HIVEP3: variants seen among roughly 807,000 people sequenced by gnomAD.
The protein encoded by HIVEP3 is HIVEP zinc finger 3.
HIVEP3 carries 49 observed loss-of-function variants against 152.8 expected under a neutral mutation model. The observed-to-expected ratio is 0.32, with a 90% confidence interval of 0.26 to 0.41. HIVEP3 has a LOEUF of 0.41. Ranked by LOEUF, HIVEP3 falls within the 10% of genes least tolerant of loss-of-function variation. The pLI, the probability that HIVEP3 is intolerant of heterozygous loss-of-function variation, is 1.00. For synonymous variants in HIVEP3, 1,269 were observed against 1,289.0 expected (o/e 0.98, Z 0.33); for missense variants, 2,790 against 3,103.3 (o/e 0.90, Z 2.40).
At chr1:41,797,749 G>A (rs1650065414) in intron 1 of HIVEP3, among the ~76,000 whole-genome samples, 1 of 152,122 alleles carries the variant, frequency 6.6e-6, no homozygotes. Context: ...AGCACTTTGG[G>A]AGGCCAAGGC....
intron 5 of HIVEP3, among the ~76,000 whole-genome samples, chr1:41,526,384 TCA>T (rs1405858610): frequency 2.4e-5 from 2 of 84,260 alleles, no homozygotes; most frequent in South Asian, 4.8e-4. Context: ...ACGCTCGCCC[TCA>T]CACTCACACA....
chr1:41,626,915 C>G (rs889145519), intron 3 of HIVEP3, among the ~76,000 whole-genome samples: 2 of 152,230 alleles, frequency 1.3e-5, no homozygotes, highest in Non-Finnish European at 1.5e-5. Flanking sequence ...CTGCCCCTTA[C>G]CATCTGTGTA....
chr1:41,559,141 G>A (rs1291191607), intron 5 of HIVEP3, among the ~76,000 whole-genome samples: 1 of 151,964 alleles, frequency 6.6e-6, no homozygotes, highest in African/African-American at 2.4e-5. Flanking sequence ...TGCCTCCTTT[G>A]GTCCAAGGCC....
intron 1 of HIVEP3, among the ~76,000 whole-genome samples, chr1:41,831,475 T>A (rs1642963819): frequency 6.6e-6 from 1 of 152,246 alleles, no homozygotes; most frequent in Non-Finnish European, 1.5e-5. Flanking sequence ...ATCATACAGT[T>A]TTTTATGCTG....
chr1:41,643,404 G>A (rs563680501), intron 2 of HIVEP3, among the ~76,000 whole-genome samples: 23 of 152,202 alleles, frequency 1.5e-4, no homozygotes, highest in Non-Finnish European at 3.1e-4. Flanking sequence ...AACATGTCCC[G>A]TCTGTACCCC....
rs1443782410 is a variant in HIVEP3 at position 41,509,634 on chromosome 1, C to G, written c.*817G>C. Reference sequence around the variant, plus strand: ...CAGCCCAGGGGGCCAGGGTGGGGTGCAGAAGGGAGGTGTCTGGAGTGGGGG... The same window carrying G: ...CAGCCCAGGGGGCCAGGGTGGGGTGGAGAAGGGAGGTGTCTGGAGTGGGGG... On this transcript the variant is annotated 3_prime_UTR_variant, in exon 9 of 9. Transcript: ENST00000372583. 6.6e-6 allele frequency: 1 copy of G among 151,434 alleles called. No individual in the cohort carries two copies. Among genetic ancestry groups the G allele is most frequent in the African/African-American group, 2.4e-5 (1 of 41,066 alleles). 9.4% of individuals were successfully genotyped at this position (151,434 alleles called of 1,614,324 possible). A position where few individuals can be genotyped will look rare whatever the true frequency, so the allele number is the denominator to read the frequency against.
At chr1:41,609,599 C>A (rs951611411) in intron 3 of HIVEP3, among the ~76,000 whole-genome samples, 1 of 152,250 alleles carries the variant, frequency 6.6e-6, no homozygotes, top group Non-Finnish European at 1.5e-5. Context: ...GTCTCCAATC[C>A]ATAATGACAC....
intron 1 of HIVEP3, among the ~76,000 whole-genome samples, chr1:41,956,137 T>G (rs979731437): frequency 6.6e-6 from 1 of 152,200 alleles, no homozygotes; most frequent in Non-Finnish European, 1.5e-5. Flanking sequence ...ACGTTTCTTA[T>G]AGCAAATTAT....
rs750372272 is a variant in HIVEP3 at position 41,580,183 on chromosome 1, C to A, written c.4615G>T (p.Gly1539Cys). 6.2e-7 allele frequency: 1 copy of A among 1,612,342 alleles called. No individual in the cohort carries two copies. The highest frequency in any genetic ancestry group is 1.1e-5 in the South Asian group (1 of 90,848). The stretch of plus-strand genomic sequence containing the variant: ...GTCAACCCTCTTCGGTGAGGTTTGC[C>A]AGATGGCTGGGGATATTCCTTCAAA... ...EALKEYPQPS[G>C]KPHRRGLTPL... Residue 1539 changes from glycine to cysteine, a missense_variant, in exon 4 of 9, where the codon GGC (glycine) becomes TGC (cysteine). Coordinates refer to ENST00000372583, the MANE Select transcript of HIVEP3 (RefSeq NM_024503.5).
At chr1:41,769,030 C>G (rs1035080111) in intron 1 of HIVEP3, among the ~76,000 whole-genome samples, 8 of 152,214 alleles carry the variant, frequency 5.3e-5, no homozygotes, top group Admixed American at 2.0e-4. Flanking sequence ...AAGCACTTGG[C>G]CAGCGTGTTG....
intron 3 of HIVEP3, among the ~76,000 whole-genome samples, chr1:41,626,194 C>T (rs1645113916): frequency 6.6e-6 from 1 of 151,582 alleles, no homozygotes; most frequent in African/African-American, 2.4e-5. Flanking sequence ...CCCTCCCCAG[C>T]ACCGGGGCGT....
intron 1 of HIVEP3, among the ~76,000 whole-genome samples, chr1:41,906,757 C>T (rs1354187087): frequency 4.6e-5 from 7 of 152,012 alleles, no homozygotes; most frequent in Non-Finnish European, 1.0e-4. Flanking sequence ...CTGTGCTATG[C>T]TCTGAAGCTA....
chr1:41,526,780 AACAC>A (rs1159531366), intron 5 of HIVEP3, among the ~76,000 whole-genome samples: 45 of 41,982 alleles, frequency 1.1e-3, no homozygotes, highest in Non-Finnish European at 8.5e-4. Context: ...CACTCACCCT[AACAC>A]ACACCCTCAC....
intron 1 of HIVEP3, among the ~76,000 whole-genome samples, chr1:41,988,205 C>A (rs975165931): frequency 1.3e-5 from 2 of 152,124 alleles, no homozygotes; most frequent in African/African-American, 4.8e-5. Context: ...CCCAAAAGCA[C>A]AGGCAACAAA....
At chr1:41,624,365 G>A (rs963567193) in intron 3 of HIVEP3, among the ~76,000 whole-genome samples, 5 of 152,172 alleles carry the variant, frequency 3.3e-5, no homozygotes, top group Non-Finnish European at 7.4e-5. Flanking sequence ...AACAGAAAAC[G>A]AGCACGTACA....
At chr1:41,737,195 GA>G (rs1646931081) in intron 1 of HIVEP3, among the ~76,000 whole-genome samples, 2 of 152,182 alleles carry the variant, frequency 1.3e-5, no homozygotes, top group Admixed American at 1.3e-4. Context: ...CGTGGGCTCA[GA>G]AAAGCTGCTT....
At chr1:41,668,332 C>A (rs927333773) in intron 2 of HIVEP3, among the ~76,000 whole-genome samples, 5 of 152,196 alleles carry the variant, frequency 3.3e-5, no homozygotes, top group Admixed American at 3.3e-4. Context: ...GAGATGAATA[C>A]GGGAGGGGTG....
At chr1:41,545,071 CCAA>C (rs201525524) in intron 5 of HIVEP3, among the ~76,000 whole-genome samples, 50 of 121,338 alleles carry the variant, frequency 4.1e-4, no homozygotes, top group East Asian at 7.8e-4. Flanking sequence ...ACCACCACCA[CCAA>C]CATCACCACC....
chr1:41,620,171 G>A (rs1645026376), intron 3 of HIVEP3, among the ~76,000 whole-genome samples: 1 of 152,180 alleles, frequency 6.6e-6, no homozygotes. Flanking sequence ...CCGAACAGAG[G>A]CAAGACAGCA....
Sources: allele counts gnomAD v4.1 joint callset (sites outside exome capture counted in the v4.1 genomes callset), GRCh38; gene constraint gnomAD v4.1.1; transcripts MANE v1.5; gene names NCBI Gene and HGNC (gene_info 2026-07-23, HGNC 2026-07-21).